The following COL9A1 variants were observed in gnomAD, a reference collection of about 807,000 sequenced individuals.
COL9A1 encodes the protein collagen alpha-1(IX) chain.
In COL9A1, 104 loss-of-function variants were observed where a neutral mutation model predicts 142.6. The observed-to-expected ratio is 0.73, with a 90% confidence interval of 0.62 to 0.86. The LOEUF (loss-of-function observed/expected upper bound fraction) is 0.86, where lower values mean the gene tolerates loss of function less well. Among genes scored for constraint, COL9A1 ranks in the 40% least tolerant of loss-of-function variants. COL9A1 has a pLI of 0.00. For missense variants in COL9A1, 1,210 were observed against 1,176.6 expected (o/e 1.03, Z -0.42); for synonymous variants, 466 against 396.0 (o/e 1.18, Z -2.10).
chr6:70,239,862 C>T (rs952295112), intron 32 of COL9A1, among the ~76,000 whole-genome samples: 6 of 152,014 alleles, frequency 3.9e-5, no homozygotes, highest in South Asian at 2.1e-4. Context: ...ATAAAATGAA[C>T]GATTTTAACA....
intron 37 of COL9A1, among the ~76,000 whole-genome samples, chr6:70,225,579 T>C (rs1325999113): frequency 7.0e-6 from 1 of 142,930 alleles, no homozygotes; most frequent in Non-Finnish European, 1.6e-5. Flanking sequence ...TGCTCTGGCA[T>C]TTTAGATTAA....
chr6:70,296,134 C>A (rs1170114985), intron 4 of COL9A1, among the ~76,000 whole-genome samples: 1 of 152,030 alleles, frequency 6.6e-6, no homozygotes, highest in Non-Finnish European at 1.5e-5. Flanking sequence ...TTTTACAAGC[C>A]CTCAATAAAA....
chr6:70,269,215 T>C (rs377258653), intron 16 of COL9A1, among the ~76,000 whole-genome samples: 10 of 152,218 alleles, frequency 6.6e-5, no homozygotes, highest in African/African-American at 2.4e-4. Flanking sequence ...TCATTTCCCC[T>C]TCCCATTCCA....
At chr6:70,261,194 C>A (rs1771662956) in intron 19 of COL9A1, 1 of 160,898 alleles carries the variant, frequency 6.2e-6, no homozygotes, top group South Asian at 1.7e-4. Context: ...GCTGGAGCCT[C>A]CATCAATCCC....
intron 33 of COL9A1, among the ~76,000 whole-genome samples, chr6:70,235,387 A>G (rs539760661): frequency 6.6e-6 from 1 of 152,222 alleles, no homozygotes; most frequent in South Asian, 2.1e-4. Context: ...CAGGAGGTGG[A>G]GGTTGCAGTA....
chr6:70,288,233 A>G (rs1198675351), intron 5 of COL9A1, among the ~76,000 whole-genome samples: 1 of 152,172 alleles, frequency 6.6e-6, no homozygotes, highest in East Asian at 1.9e-4. Flanking sequence ...TAATGGTGTC[A>G]TCTTTGATTC....
chr6:70,254,935 C>T, intron 24 of COL9A1, 28 bp downstream of exon 24: 1 of 1,609,594 alleles, frequency 6.2e-7, no homozygotes, highest in Non-Finnish European at 8.5e-7. Context: ...CAGCCCCACT[C>T]ACTCTTGGAG....
At chr6:70,231,669 C>CA (rs1769552829) in intron 36 of COL9A1, among the ~76,000 whole-genome samples, 1 of 151,796 alleles carries the variant, frequency 6.6e-6, no homozygotes, top group Admixed American at 6.6e-5. Flanking sequence ...TGCCATCTGA[C>CA]CATTCATACC....
At chr6:70,229,356 G>T (rs1184072533) in intron 36 of COL9A1, among the ~76,000 whole-genome samples, 1 of 152,102 alleles carries the variant, frequency 6.6e-6, no homozygotes, top group Non-Finnish European at 1.5e-5. Context: ...CAAAAAATAT[G>T]CATAAAGAGC....
intron 7 of COL9A1, 38 bp from the exon 8 acceptor site, chr6:70,281,502 C>T (rs111965774): frequency 6.4e-6 from 10 of 1,559,646 alleles, no homozygotes; most frequent in Middle Eastern, 3.4e-4. Context: ...TGGAGCACAT[C>T]GGGCAACAGG....
intron 5 of COL9A1, among the ~76,000 whole-genome samples, chr6:70,291,145 C>T (rs1038859426): frequency 2.6e-5 from 4 of 152,100 alleles, no homozygotes; most frequent in Non-Finnish European, 5.9e-5. Flanking sequence ...AAACAAGGGA[C>T]TAAGGACAAC....
intron 10 of COL9A1, chr6:70,279,732 G>A (rs754949225): frequency 1.2e-4 from 40 of 347,216 alleles, no homozygotes; most frequent in Non-Finnish European, 1.9e-4. Context: ...CATTCATTAT[G>A]GGAATCCCGA....
At chr6:70,300,520 A>T in intron 2 of COL9A1, 134 bp from the exon 3 acceptor site, 1 of 367,054 alleles carries the variant, frequency 2.7e-6, no homozygotes, top group Non-Finnish European at 4.7e-6. Context: ...CAAAAAAAAG[A>T]TTTCAGGATG....
intron 6 of COL9A1, chr6:70,283,349 T>C: frequency 2.1e-6 from 2 of 971,256 alleles, no homozygotes; most frequent in Non-Finnish European, 2.9e-6. Flanking sequence ...AGCACGCAGC[T>C]CTGCCTCCAT....
intron 5 of COL9A1, among the ~76,000 whole-genome samples, chr6:70,288,513 C>G (rs1410934778): frequency 1.3e-5 from 2 of 152,178 alleles, no homozygotes; most frequent in Non-Finnish European, 2.9e-5. Context: ...CACCTGGTAG[C>G]CACCCATCTC....
At position 70,280,867 on chromosome 6, in the gene COL9A1, G is replaced by A. The variant is rs770387297; in HGVS notation, c.920C>T (p.Ala307Val). ...PKGPPGPPGP[A>V]GEPGKPGAPG... ...AGCTCCTGGCTTTCCCGGTTCACCT[G>A]CAGGACCCTGAGCAGGGGCAGAAGG... The change falls in exon 10 of 38, where the codon GCA (alanine) becomes GTA (valine). Residue 307 changes from alanine (A) to valine (V), a missense_variant. Transcript: ENST00000357250. The A allele has an allele frequency of 6.2e-7, 1 of 1,613,512 alleles. No individual in the cohort carries two copies. Among genetic ancestry groups the A allele is most frequent in the South Asian group, 1.1e-5 (1 of 90,988 alleles).
Position 70,262,504 on chromosome 6 carries a change from A to G in COL9A1, c.1395+740T>C, listed in dbSNP as rs184433974. On this transcript the variant is annotated intron_variant, in intron 19 of 37. Coordinates refer to ENST00000357250, the MANE Select transcript of COL9A1 (RefSeq NM_001851.6). ...GTGTTCCTGTGTTTGTCTTCAATTC[A>G]TCAGTTTCTAAGAATAGTACCTGAG... Among the ~76,000 whole-genome samples, 470 of 152,334 alleles carry G rather than the reference A, an allele frequency of 3.1e-3. 1 individual carries two copies. Among genetic ancestry groups the G allele is most frequent in the African/African-American group, 0.01 (436 of 41,578 alleles).
intron 18 of COL9A1, among the ~76,000 whole-genome samples, chr6:70,265,252 G>A (rs1360983064): frequency 6.6e-6 from 1 of 152,046 alleles, no homozygotes; most frequent in Non-Finnish European, 1.5e-5. Flanking sequence ...TGGATTAACA[G>A]CTCCATCTCC....
chr6:70,219,437 G>A (rs1271370017), intron 37 of COL9A1, among the ~76,000 whole-genome samples: 1 of 152,212 alleles, frequency 6.6e-6, no homozygotes, highest in Middle Eastern at 3.2e-3. Flanking sequence ...GCGTACCAGG[G>A]CAGAGTTAAA....
Sources: gnomAD v4.1 joint callset for allele counts (sites outside exome capture counted in the v4.1 genomes callset) on GRCh38, gnomAD v4.1.1 for gene constraint, MANE v1.5 for transcripts, NCBI Gene and HGNC (gene_info 2026-07-23, HGNC 2026-07-21) for gene names.